Variants in SLCO3A1 observed in about 807,000 individuals in gnomAD.
SLCO3A1 encodes PGE1 transporter.
Under a neutral mutation model 63.1 loss-of-function variants are expected in SLCO3A1, and 27 were observed. The observed-to-expected ratio is 0.43, with a 90% CI of 0.32 to 0.59. The LOEUF (loss-of-function observed/expected upper bound fraction) is 0.59. Among genes scored for constraint, SLCO3A1 ranks in the 20% least tolerant of loss-of-function variants. SLCO3A1 has a pLI of 0.09. For missense variants in SLCO3A1, 773 were observed against 945.8 expected, an observed-to-expected ratio of 0.82 and a Z score of 2.40; for synonymous variants, 473 against 409.9, an observed-to-expected ratio of 1.15 and a Z score of -1.86.
rs557963420 is a variant in SLCO3A1, at chr15:91,909,600, C to T, written c.181-6393C>T. ...GTTTGAGGGTATAGGTTCCCCGAAG[C>T]TCCCCAGGAAGAGCCTGCTCAGTTC... is the stretch of plus-strand genomic sequence containing the variant. On this transcript the variant is annotated intron_variant, in intron 1 of 9. Transcript: ENST00000318445. Among the ~76,000 whole-genome samples the T allele has an allele frequency of 2.6e-5, 4 of 152,300 alleles. No individual in the cohort carries two copies. The East Asian group carries it at 7.7e-4, about 29-fold the overall frequency.
chr15:92,024,541 C>G (rs1041322875), intron 2 of SLCO3A1, among the ~76,000 whole-genome samples: 2 of 152,190 alleles, frequency 1.3e-5, no homozygotes, highest in Non-Finnish European at 2.9e-5. Context: ...TGTATTCATC[C>G]ACCCACTCAT....
intron 9 of SLCO3A1, among the ~76,000 whole-genome samples, chr15:92,152,537 T>A (rs1193314229): frequency 6.6e-6 from 1 of 152,222 alleles, no homozygotes; most frequent in Non-Finnish European, 1.5e-5. Flanking sequence ...TGGGCCTTCC[T>A]GGGAAGCTGT....
chr15:91,880,393 C>CTGTGTGTGTG (rs1312987837), intron 1 of SLCO3A1, among the ~76,000 whole-genome samples: 63 of 44,706 alleles, frequency 1.4e-3, no homozygotes, highest in South Asian at 3.6e-3. Context: ...CTCTCTCTCT[C>CTGTGTGTGTG]TCTCTCTCTC....
intron 2 of SLCO3A1, among the ~76,000 whole-genome samples, chr15:92,018,279 G>A (rs548587896): frequency 6.6e-6 from 1 of 152,202 alleles, no homozygotes; most frequent in Non-Finnish European, 1.5e-5. Flanking sequence ...TTTCCCTGGT[G>A]AGGGGCTGCT....
intron 2 of SLCO3A1, among the ~76,000 whole-genome samples, chr15:91,960,537 C>G (rs1340944237): frequency 2.0e-5 from 3 of 152,164 alleles, no homozygotes; most frequent in East Asian, 3.8e-4. Flanking sequence ...TGTCCCAGAT[C>G]GTCCTGTAGC....
At chr15:92,053,625 G>A (rs2046984667) in intron 2 of SLCO3A1, among the ~76,000 whole-genome samples, 2 of 151,630 alleles carry the variant, frequency 1.3e-5, no homozygotes, top group Middle Eastern at 6.9e-3. Context: ...GCGTTGAGGA[G>A]TACTGGTTAG....
At chr15:91,979,781 G>A (rs1221172848) in intron 2 of SLCO3A1, among the ~76,000 whole-genome samples, 5 of 151,998 alleles carry the variant, frequency 3.3e-5, no homozygotes, top group East Asian at 1.9e-4. Flanking sequence ...AGTGCTTAGC[G>A]TAATGCCTTG....
chr15:91,994,525 G>A (rs980981276), intron 2 of SLCO3A1, among the ~76,000 whole-genome samples: 3 of 152,166 alleles, frequency 2.0e-5, no homozygotes, highest in Non-Finnish European at 4.4e-5. Context: ...GCTACGTTGT[G>A]TTGTCCTTAA....
Position 91,865,616 on chromosome 15 carries a change from C to T in SLCO3A1, c.180+11528C>T, listed in dbSNP as rs1301403205. ...TGGCATGTGGGGGTGGCCAAGGGTC[C>T]TTGGATTCCTTGGCTCGCAGCTGCA... On this transcript the variant is annotated intron_variant, in intron 1 of 9. Coordinates refer to ENST00000318445, the MANE Select transcript of SLCO3A1 (RefSeq NM_013272.4). This position sits in a 1 kb window ranked among gnomAD's most constrained non-coding sequence, Gnocchi z 4.6. Among the ~76,000 whole-genome samples the T allele has an allele frequency of 1.3e-5, 2 of 152,168 alleles. No individual in the cohort carries two copies. The highest frequency in any genetic ancestry group is 2.9e-5 in the Non-Finnish European group (2 of 68,026).
At chr15:91,976,833 A>C (rs565735713) in intron 2 of SLCO3A1, among the ~76,000 whole-genome samples, 242 of 152,320 alleles carry the variant, frequency 1.6e-3, no homozygotes, top group African/African-American at 5.6e-3. Flanking sequence ...TGTGGGTCAC[A>C]GACATCAAGT....
chr15:92,101,365 C>T (rs1160737022), intron 3 of SLCO3A1, among the ~76,000 whole-genome samples: 6 of 152,002 alleles, frequency 3.9e-5, no homozygotes, highest in African/African-American at 7.3e-5. Flanking sequence ...AAAAATTAGC[C>T]GGGCATGGTG....
intron 2 of SLCO3A1, among the ~76,000 whole-genome samples, chr15:92,032,758 G>C (rs895869283): frequency 6.6e-6 from 1 of 152,170 alleles, no homozygotes; most frequent in Non-Finnish European, 1.5e-5. Flanking sequence ...CCAAGTTGGA[G>C]ATGTGGTGAG....
intron 4 of SLCO3A1, among the ~76,000 whole-genome samples, chr15:92,111,690 T>C (rs569464141): frequency 6.6e-6 from 1 of 152,006 alleles, no homozygotes; most frequent in South Asian, 2.2e-4. Context: ...TCTCAAGTTA[T>C]TTCAGCAAAG....
At chr15:91,922,240 A>T (rs920560279) in intron 2 of SLCO3A1, among the ~76,000 whole-genome samples, 1 of 151,978 alleles carries the variant, frequency 6.6e-6, no homozygotes, top group Non-Finnish European at 1.5e-5. Flanking sequence ...GATTCTCCTG[A>T]GGATGGATGT....
At chr15:91,947,892 T>C (rs535781070) in intron 2 of SLCO3A1, among the ~76,000 whole-genome samples, 1 of 152,152 alleles carries the variant, frequency 6.6e-6, no homozygotes, top group African/African-American at 2.4e-5. Context: ...GGGGCTCTTA[T>C]TGACACACAG....
intron 2 of SLCO3A1, among the ~76,000 whole-genome samples, chr15:92,089,467 GT>G (rs1292589003): frequency 6.6e-6 from 1 of 152,166 alleles, no homozygotes; most frequent in Non-Finnish European, 1.5e-5. Context: ...ATAGATTTGT[GT>G]TTGTTGCCAT....
chr15:92,113,684 G>C (rs2151554431), intron 4 of SLCO3A1, among the ~76,000 whole-genome samples: 1 of 152,298 alleles, frequency 6.6e-6, no homozygotes, highest in East Asian at 1.9e-4. Context: ...TGAAGCTGGG[G>C]CCGGAGGCTG....
At chr15:91,988,872 G>C (rs1322938397) in intron 2 of SLCO3A1, among the ~76,000 whole-genome samples, 1 of 152,188 alleles carries the variant, frequency 6.6e-6, no homozygotes, top group Non-Finnish European at 1.5e-5. Flanking sequence ...CTAATGCAGA[G>C]CGAGGTAGGA....
intron 2 of SLCO3A1, among the ~76,000 whole-genome samples, chr15:91,992,298 C>T (rs564570362): frequency 4.6e-5 from 7 of 152,300 alleles, no homozygotes; most frequent in African/African-American, 1.2e-4. Context: ...TTAGCAAATG[C>T]ACTACGCTGC....
Sources: gnomAD v4.1 joint callset for allele counts (sites outside exome capture counted in the v4.1 genomes callset) on GRCh38, gnomAD v4.1.1 for gene constraint, Gnocchi (gnomAD v3.1) non-coding constraint, MANE v1.5 for transcripts, NCBI Gene and HGNC (gene_info 2026-07-23, HGNC 2026-07-21) for gene names.